The following SLC25A12 variants were observed in gnomAD, a reference collection of about 807,000 sequenced individuals.
SLC25A12 encodes solute carrier family 25 member 12.
SLC25A12 carries 32 observed loss-of-function variants against 83.3 expected under a neutral mutation model. That is an observed-to-expected ratio of 0.38 (90% CI 0.29 to 0.52). The LOEUF is 0.52. Among genes scored for constraint, SLC25A12 ranks in the 20% least tolerant of loss-of-function variants. The pLI is 0.84. For missense variants in SLC25A12, 611 were observed against 835.6 expected, an observed-to-expected ratio of 0.73 and a Z score of 3.31; for synonymous variants, 267 against 291.1, an observed-to-expected ratio of 0.92 and a Z score of 0.84.
At chr2:171,887,306 C>T (rs944982812) in intron 2 of SLC25A12, among the ~76,000 whole-genome samples, 5 of 152,102 alleles carry the variant, frequency 3.3e-5, no homozygotes, top group East Asian at 1.9e-4. Context: ...GTATGGGATA[C>T]GATCTTCATT....
intron 9 of SLC25A12, among the ~76,000 whole-genome samples, chr2:171,824,085 C>T (rs1005909136): frequency 8.5e-5 from 13 of 152,108 alleles, no homozygotes; most frequent in African/African-American, 3.1e-4. Flanking sequence ...AGAAAGCACT[C>T]CCCATCACTC....
At chr2:171,859,147 A>G (rs1210832823) in intron 3 of SLC25A12, among the ~76,000 whole-genome samples, 2 of 152,204 alleles carry the variant, frequency 1.3e-5, no homozygotes, top group African/African-American at 4.8e-5. Flanking sequence ...TGAAAACCAG[A>G]AAGAGTATCT....
intron 5 of SLC25A12, among the ~76,000 whole-genome samples, chr2:171,840,102 A>G (rs1468940837): frequency 6.6e-6 from 1 of 152,208 alleles, no homozygotes; most frequent in Non-Finnish European, 1.5e-5. Context: ...TTACTCAGCA[A>G]CCAAAACATC....
At chr2:171,820,194 A>G (rs1000527574) in intron 9 of SLC25A12, among the ~76,000 whole-genome samples, 4 of 152,218 alleles carry the variant, frequency 2.6e-5, no homozygotes, top group Non-Finnish European at 5.9e-5. Flanking sequence ...CTATGTAACA[A>G]ACCTTCACAT....
intron 5 of SLC25A12, among the ~76,000 whole-genome samples, chr2:171,840,571 T>C (rs1684651254): frequency 6.6e-6 from 1 of 151,992 alleles, no homozygotes; most frequent in African/African-American, 2.4e-5. Flanking sequence ...GTATGCTATT[T>C]TTTAAAAGGA....
Position 171,783,691 on chromosome 2 carries a change from A to G in SLC25A12, c.*1583T>C, listed in dbSNP as rs1329046917. Among the ~76,000 whole-genome samples the G allele has an allele frequency of 6.6e-6, 1 of 152,214 alleles. No homozygotes were observed. Among genetic ancestry groups the G allele is most frequent in the Non-Finnish European group, 1.5e-5 (1 of 68,028 alleles). ...ATACATAGGATTCTTTTGTAATCAC[A>G]TATCCATGGACTACTTATATATTTC... On this transcript the variant is annotated 3_prime_UTR_variant, in exon 18 of 18. Transcript: ENST00000422440.
At chr2:171,788,249 C>A in intron 15 of SLC25A12, 1 of 256,052 alleles carries the variant, frequency 3.9e-6, no homozygotes, top group Non-Finnish European at 7.5e-6. Context: ...AATTCCCAAG[C>A]GTTCCCTTTC....
intron 3 of SLC25A12, among the ~76,000 whole-genome samples, chr2:171,857,204 A>G (rs1685064305): frequency 6.6e-6 from 1 of 151,856 alleles, no homozygotes. Flanking sequence ...CACCTCTACA[A>G]AAAGTAAAAA....
intron 11 of SLC25A12, among the ~76,000 whole-genome samples, chr2:171,812,624 G>GT (rs1683969832): frequency 6.6e-6 from 1 of 151,456 alleles, no homozygotes; most frequent in African/African-American, 2.4e-5. Context: ...GACAACGGGG[G>GT]GTGGGGAAAA....
intron 6 of SLC25A12, among the ~76,000 whole-genome samples, chr2:171,835,376 A>G (rs1247391054): frequency 6.6e-6 from 1 of 152,252 alleles, no homozygotes; most frequent in African/African-American, 2.4e-5. Flanking sequence ...AAAATACTTA[A>G]CAGTCTGTGC....
intron 9 of SLC25A12, among the ~76,000 whole-genome samples, 193 bp from the exon 10 acceptor site, chr2:171,815,395 GA>G (rs1396876442): frequency 6.6e-6 from 1 of 152,126 alleles, no homozygotes; most frequent in Non-Finnish European, 1.5e-5. Context: ...TTTAAAAATA[GA>G]TAACTCTATT....
At chr2:171,870,302 T>C (rs1299437613) in intron 2 of SLC25A12, among the ~76,000 whole-genome samples, 1 of 152,176 alleles carries the variant, frequency 6.6e-6, no homozygotes, top group Non-Finnish European at 1.5e-5. Context: ...GTCATAATAA[T>C]ATAGACATCA....
intron 2 of SLC25A12, among the ~76,000 whole-genome samples, chr2:171,885,130 G>A (rs1465586375): frequency 5.3e-5 from 8 of 149,544 alleles, no homozygotes; most frequent in Non-Finnish European, 8.9e-5. Context: ...GGAGAATGGC[G>A]TGAACCTGGG....
chr2:171,792,147 CA>C lies in SLC25A12; in HGVS notation c.1447-559del, dbSNP rs537811344. ...TCCACAGGAGTAGAAAATCATTACC[CA>C]GGGGCAGCTTGTCCCAATGACTGAG... On this transcript the variant is annotated intron_variant, in intron 14 of 17. Transcript: ENST00000422440. Among the ~76,000 whole-genome samples the C allele has an allele frequency of 4.3e-3, 656 of 152,150 alleles. 2 individuals are homozygous for C. The highest frequency in any genetic ancestry group is 6.5e-3 in the Non-Finnish European group (441 of 68,004).
At chr2:171,808,707 T>C (rs1683885503) in intron 13 of SLC25A12, among the ~76,000 whole-genome samples, 2 of 152,326 alleles carry the variant, frequency 1.3e-5, no homozygotes, top group South Asian at 4.1e-4. Flanking sequence ...CCTCTTTTTT[T>C]GTTATTATAC....
intron 5 of SLC25A12, among the ~76,000 whole-genome samples, chr2:171,839,877 G>A (rs1684636100): frequency 6.6e-6 from 1 of 152,146 alleles, no homozygotes; most frequent in East Asian, 1.9e-4. Context: ...ATCTGTTTAA[G>A]AAGCAGTTAG....
intron 8 of SLC25A12, among the ~76,000 whole-genome samples, chr2:171,828,044 C>G (rs534409306): frequency 1.1e-4 from 16 of 152,312 alleles, no homozygotes; most frequent in African/African-American, 3.6e-4. Flanking sequence ...GGTCCACTCT[C>G]CCGGGAGACT....
At chr2:171,793,896 A>AGGG in intron 13 of SLC25A12, 129 bp from the exon 14 acceptor site, 1 of 1,057,586 alleles carries the variant, frequency 9.5e-7, no homozygotes, top group East Asian at 2.5e-5. Context: ...TTCCTTCCTC[A>AGGG]GGGGGGAATG....
chr2:171,855,047 T>C (rs1685016925), intron 4 of SLC25A12, among the ~76,000 whole-genome samples: 1 of 152,206 alleles, frequency 6.6e-6, no homozygotes, highest in South Asian at 2.1e-4. Flanking sequence ...CTTGTGTTTT[T>C]TGCCACAACA....
Sources: allele counts gnomAD v4.1 joint callset (sites outside exome capture counted in the v4.1 genomes callset), GRCh38; gene constraint gnomAD v4.1.1; transcripts MANE v1.5; gene names NCBI Gene and HGNC (gene_info 2026-07-23, HGNC 2026-07-21).